CTNNA3: variants seen among roughly 807,000 people sequenced by gnomAD.
CTNNA3 encodes catenin alpha-3.
Under a neutral mutation model 95.7 loss-of-function variants are expected in CTNNA3, and 76 were observed. That is an observed-to-expected ratio of 0.79 (90% CI 0.66 to 0.96). The LOEUF is 0.96. Ranked by LOEUF, CTNNA3 falls within the 40% of genes least tolerant of loss-of-function variation. The probability of loss-of-function intolerance (pLI) is 0.00; values close to 1 mark genes in which losing one functional copy is unlikely to be tolerated. For synonymous variants in CTNNA3, 431 were observed against 374.4 expected (o/e 1.15, Z -1.74); for missense variants, 1,191 against 1,089.8 (o/e 1.09, Z -1.31).
intron 7 of CTNNA3, among the ~76,000 whole-genome samples, chr10:67,116,053 A>C (rs1166232768): frequency 1.3e-5 from 2 of 152,034 alleles, no homozygotes; most frequent in Non-Finnish European, 2.9e-5. Context: ...GCTAAAGAAC[A>C]ATCAGCCAGA....
intron 11 of CTNNA3, among the ~76,000 whole-genome samples, chr10:66,401,330 G>A (rs889480197): frequency 3.3e-5 from 5 of 151,948 alleles, no homozygotes; most frequent in East Asian, 1.9e-4. Context: ...GTTTAAGACC[G>A]GCCTGGCCAA....
At chr10:65,960,188 G>A (rs1334692992) in intron 17 of CTNNA3, among the ~76,000 whole-genome samples, 2 of 152,082 alleles carry the variant, frequency 1.3e-5, no homozygotes, top group Non-Finnish European at 2.9e-5. Flanking sequence ...TTCTATAAAT[G>A]TGATTCTATC....
intron 5 of CTNNA3, among the ~76,000 whole-genome samples, chr10:67,458,806 T>C (rs1847266796): frequency 6.6e-6 from 1 of 152,164 alleles, no homozygotes; most frequent in Admixed American, 6.5e-5. Flanking sequence ...ACTGCCCCCA[T>C]AATCGAATCA....
At chr10:67,581,953 T>G (rs1842417814) in intron 3 of CTNNA3, among the ~76,000 whole-genome samples, 1 of 152,184 alleles carries the variant, frequency 6.6e-6, no homozygotes, top group Admixed American at 6.5e-5. Flanking sequence ...CTCTCTTTTC[T>G]TCTTTATTTG....
At chr10:66,827,514 T>A (rs1472680874) in intron 7 of CTNNA3, among the ~76,000 whole-genome samples, 2 of 152,158 alleles carry the variant, frequency 1.3e-5, no homozygotes, top group Admixed American at 1.3e-4. Context: ...TGCAATATAG[T>A]GGAAAAAGTC....
At chr10:66,445,260 T>G (rs974452549) in intron 11 of CTNNA3, among the ~76,000 whole-genome samples, 48 of 151,746 alleles carry the variant, frequency 3.2e-4, no homozygotes, top group African/African-American at 1.2e-3. Flanking sequence ...TTAGACAGAT[T>G]AACGAGACAG....
chr10:66,195,252 A>G (rs990668784), intron 13 of CTNNA3, among the ~76,000 whole-genome samples: 9 of 152,050 alleles, frequency 5.9e-5, no homozygotes, highest in Non-Finnish European at 1.2e-4. Context: ...TATATATAAC[A>G]CTACTGAAAA....
chr10:67,165,579 G>A (rs553007007), intron 7 of CTNNA3, among the ~76,000 whole-genome samples: 79 of 152,140 alleles, frequency 5.2e-4, no homozygotes, highest in Middle Eastern at 6.8e-3. Flanking sequence ...TAGGAAACTG[G>A]GCAAAGGGTA....
intron 12 of CTNNA3, among the ~76,000 whole-genome samples, chr10:66,304,223 T>C (rs1273291448): frequency 6.6e-6 from 1 of 152,126 alleles, no homozygotes; most frequent in Non-Finnish European, 1.5e-5. Context: ...CATTTACACA[T>C]TGGCCAACAA....
chr10:66,279,505 G>C (rs145827906), intron 13 of CTNNA3, among the ~76,000 whole-genome samples: 2 of 152,142 alleles, frequency 1.3e-5, no homozygotes, highest in Admixed American at 1.3e-4. Flanking sequence ...ACACCTCTGA[G>C]GGTAGCTTTT....
At chr10:66,510,606 G>T (rs538599186) in intron 11 of CTNNA3, among the ~76,000 whole-genome samples, 2 of 151,892 alleles carry the variant, frequency 1.3e-5, no homozygotes, top group South Asian at 2.1e-4. Context: ...TTATCATAAA[G>T]GGATGATGAA....
chr10:66,872,656 G>A (rs1025206193), intron 7 of CTNNA3, among the ~76,000 whole-genome samples: 4 of 148,182 alleles, frequency 2.7e-5, no homozygotes, highest in African/African-American at 5.3e-5. Context: ...GTGACAGAAC[G>A]AGACCCCGTC....
chr10:66,068,282 T>G (rs1414619448), intron 15 of CTNNA3, among the ~76,000 whole-genome samples: 1 of 152,194 alleles, frequency 6.6e-6, no homozygotes, highest in Non-Finnish European at 1.5e-5. Context: ...TGTCTGCAAG[T>G]ATTCTTTATA....
chr10:66,397,085 C>T (rs116476740), intron 11 of CTNNA3, among the ~76,000 whole-genome samples: 5,483 of 151,562 alleles, frequency 0.036, 288 homozygotes, highest in African/African-American at 0.12. Context: ...TAATTACATA[C>T]ATTTTAAGAA....
At chr10:66,129,811 T>C (rs1000225615) in intron 13 of CTNNA3, among the ~76,000 whole-genome samples, 3 of 152,012 alleles carry the variant, frequency 2.0e-5, no homozygotes, top group African/African-American at 7.3e-5. Flanking sequence ...CCAGCCACTG[T>C]GCCTGCATGA....
intron 5 of CTNNA3, among the ~76,000 whole-genome samples, chr10:67,433,951 T>C (rs545735804): frequency 2.0e-5 from 3 of 152,158 alleles, no homozygotes; most frequent in South Asian, 2.1e-4. Flanking sequence ...TTTCTTGAAC[T>C]TCCCTCTCCA....
At chr10:66,674,174 ACTT>A (rs533147044) in intron 9 of CTNNA3, among the ~76,000 whole-genome samples, 44 of 151,984 alleles carry the variant, frequency 2.9e-4, no homozygotes, top group African/African-American at 1.1e-3. Flanking sequence ...AGATTTTCTA[ACTT>A]CTTCTTTTAA....
At chr10:67,004,003 C>T (rs1421089316) in intron 7 of CTNNA3, among the ~76,000 whole-genome samples, 1 of 151,938 alleles carries the variant, frequency 6.6e-6, no homozygotes, top group Non-Finnish European at 1.5e-5. Context: ...GCAACAATTA[C>T]AAATATTGAG....
intron 7 of CTNNA3, among the ~76,000 whole-genome samples, chr10:67,027,150 A>G (rs1853439631): frequency 6.6e-6 from 1 of 152,134 alleles, no homozygotes. Flanking sequence ...AGTGCCCAAT[A>G]AGGTGAGAAG....
Sources: gnomAD v4.1 joint callset for allele counts (sites outside exome capture counted in the v4.1 genomes callset) on GRCh38, gnomAD v4.1.1 for gene constraint, MANE v1.5 for transcripts, NCBI Gene and HGNC (gene_info 2026-07-23, HGNC 2026-07-21) for gene names.